CACNA1E: variants seen among roughly 807,000 people sequenced by gnomAD.
CACNA1E encodes the protein voltage-dependent R-type calcium channel subunit alpha-1E.
A neutral mutation model predicts 259.2 loss-of-function variants in CACNA1E; 40 were observed. That is an observed-to-expected ratio of 0.15 (90% CI 0.12 to 0.20). The LOEUF is 0.20. Among genes scored for constraint, CACNA1E ranks in the 10% least tolerant of loss-of-function variants. CACNA1E has a pLI of 1.00. For missense variants in CACNA1E, 1,874 were observed against 3,040.1 expected (o/e 0.62, Z 9.02); for synonymous variants, 1,104 against 1,138.5 (o/e 0.97, Z 0.61).
At chr1:181,587,779 A>G (rs938309039) in intron 6 of CACNA1E, among the ~76,000 whole-genome samples, 1 of 152,170 alleles carries the variant, frequency 6.6e-6, no homozygotes, top group Admixed American at 6.5e-5. Flanking sequence ...GCTACTCAGG[A>G]GGCTGAGGCA....
At chr1:181,766,926 C>T (rs984597045) in intron 35 of CACNA1E, among the ~76,000 whole-genome samples, 1 of 152,202 alleles carries the variant, frequency 6.6e-6, no homozygotes, top group African/African-American at 2.4e-5. Context: ...CACCATTGTT[C>T]TTAGCCAGAA....
Position 181,437,068 on chromosome 1 carries a change from C to T in CACNA1E, c.434+23488C>T, listed in dbSNP as rs74744547. 6.2e-3 allele frequency among the ~76,000 whole-genome samples: 945 copies of T among 152,182 alleles called. 60 individuals are homozygous for T. In the East Asian group the frequency reaches 0.14, roughly 23 times the overall value. On this transcript the variant is annotated intron_variant, in intron 2 of 11. Coordinates refer to the CACNA1E transcript ENST00000524607. ...CATTAAAACACGAAAAACCAAGAGC[C>T]GTCAATAACTGCATGTTTCTAGTGA... is the stretch of plus-strand genomic sequence containing the variant.
intron 1 of CACNA1E, among the ~76,000 whole-genome samples, chr1:181,387,716 C>T (rs921510514): frequency 3.3e-5 from 5 of 152,224 alleles, no homozygotes; most frequent in Non-Finnish European, 5.9e-5. Flanking sequence ...CCTGCCCTGG[C>T]AGAGTCTTGG....
chr1:181,588,782 C>T (rs1028061016), intron 6 of CACNA1E, among the ~76,000 whole-genome samples: 2 of 152,228 alleles, frequency 1.3e-5, no homozygotes, highest in South Asian at 2.1e-4. Flanking sequence ...TGTCATGCAG[C>T]TTTGGGCTAT....
chr1:181,468,564 T>C (rs981346940), intron 2 of CACNA1E, among the ~76,000 whole-genome samples: 2 of 152,168 alleles, frequency 1.3e-5, no homozygotes, highest in Non-Finnish European at 2.9e-5. Flanking sequence ...TTAGTTACTA[T>C]GGAGAATGCA....
At chr1:181,498,085 G>A (rs550048031) in intron 1 of CACNA1E, among the ~76,000 whole-genome samples, 17 of 152,054 alleles carry the variant, frequency 1.1e-4, no homozygotes, top group Admixed American at 2.6e-4. Flanking sequence ...TCTTTTTTCC[G>A]GTTCTCAGAG....
At chr1:181,392,863 G>A (rs1314169528) in intron 1 of CACNA1E, among the ~76,000 whole-genome samples, 2 of 152,246 alleles carry the variant, frequency 1.3e-5, no homozygotes, top group East Asian at 1.9e-4. Flanking sequence ...AGGAAGCTTA[G>A]CATGGAGGTA....
At chr1:181,555,809 CTG>C (rs1368236674) in intron 3 of CACNA1E, among the ~76,000 whole-genome samples, 1 of 152,162 alleles carries the variant, frequency 6.6e-6, no homozygotes, top group Non-Finnish European at 1.5e-5. Context: ...GAATGAATGA[CTG>C]AATAAGTGAA....
At chr1:181,396,751 A>G (rs1046052988) in intron 1 of CACNA1E, among the ~76,000 whole-genome samples, 17 of 152,354 alleles carry the variant, frequency 1.1e-4, no homozygotes, top group African/African-American at 4.1e-4. Context: ...ACCCAGAATA[A>G]ATAGTTTACG....
At chr1:181,426,659 C>A (rs1659252424) in intron 2 of CACNA1E, among the ~76,000 whole-genome samples, 1 of 139,006 alleles carries the variant, frequency 7.2e-6, no homozygotes, top group African/African-American at 2.7e-5. Flanking sequence ...CTTCCCATCT[C>A]TACCCCTTTA....
chr1:181,684,876 C>T (rs1005848323), intron 7 of CACNA1E, among the ~76,000 whole-genome samples: 14 of 135,108 alleles, frequency 1.0e-4, no homozygotes, highest in South Asian at 2.4e-4. Context: ...TTTTTAAATC[C>T]TTTTTTTTTT....
chr1:181,439,745 G>A (rs1660332466), intron 2 of CACNA1E, among the ~76,000 whole-genome samples: 1 of 152,186 alleles, frequency 6.6e-6, no homozygotes, highest in African/African-American at 2.4e-5. Context: ...AACATAACAT[G>A]TCATATGGTC....
intron 6 of CACNA1E, among the ~76,000 whole-genome samples, chr1:181,605,532 A>T (rs1444651056): frequency 2.0e-5 from 3 of 152,224 alleles, no homozygotes; most frequent in African/African-American, 7.2e-5. Context: ...AGGAAAAAAA[A>T]ATAGAAAGGG....
At chr1:181,757,697 T>G (rs1283869919) in intron 30 of CACNA1E, among the ~76,000 whole-genome samples, 1 of 152,188 alleles carries the variant, frequency 6.6e-6, no homozygotes, top group African/African-American at 2.4e-5. Context: ...CTCAGCCACA[T>G]GCTGTGTAAA....
At chr1:181,785,456 T>G in intron 42 of CACNA1E, 38 bp downstream of exon 42, 2 of 1,405,646 alleles carry the variant, frequency 1.4e-6, no homozygotes, top group Non-Finnish European at 2.0e-6. Flanking sequence ...GGGTGGGCCA[T>G]GAGGAGTTGC....
chr1:181,321,373 T>G (rs1650330067), intron 1 of CACNA1E, among the ~76,000 whole-genome samples: 1 of 152,078 alleles, frequency 6.6e-6, no homozygotes, highest in South Asian at 2.1e-4. Context: ...CCTGGGGTGG[T>G]GGAATTGTCT....
intron 1 of CACNA1E, among the ~76,000 whole-genome samples, chr1:181,491,890 C>G (rs1664346630): frequency 6.6e-6 from 1 of 152,152 alleles, no homozygotes; most frequent in Non-Finnish European, 1.5e-5. Context: ...AGTTAACAAG[C>G]ATCAACAAAG....
chr1:181,775,999 G>C (rs1004162771), intron 37 of CACNA1E, 102 bp from the exon 38 acceptor site: 1 of 1,108,058 alleles, frequency 9.0e-7, no homozygotes, highest in South Asian at 1.5e-5. Flanking sequence ...GTTCTGGCTC[G>C]TTTGCTAAAA....
intron 7 of CACNA1E, among the ~76,000 whole-genome samples, chr1:181,671,107 C>T (rs576784761): frequency 3.0e-4 from 46 of 152,322 alleles, no homozygotes; most frequent in Admixed American, 2.9e-3. Flanking sequence ...AGTCATAGCT[C>T]ACTGTAGCCT....
Sources: gnomAD v4.1 joint callset for allele counts (sites outside exome capture counted in the v4.1 genomes callset) on GRCh38, gnomAD v4.1.1 for gene constraint, MANE v1.5 for transcripts, NCBI Gene and HGNC (gene_info 2026-07-23, HGNC 2026-07-21) for gene names.